The following CBR4 variants were observed in gnomAD, a reference collection of about 807,000 sequenced individuals.
CBR4 encodes 3-oxoacyl-[acyl-carrier-protein] reductase.
A neutral mutation model predicts 21.0 loss-of-function variants in CBR4; 22 were observed. The ratio of observed to expected loss-of-function variants is 1.05; its 90% CI spans 0.75 to 1.50. The LOEUF (loss-of-function observed/expected upper bound fraction) is 1.50. CBR4 is among the 40% of genes most tolerant of loss of function. The pLI, the probability that CBR4 is intolerant of heterozygous loss-of-function variation, is 0.00. For synonymous variants in CBR4, 100 were observed against 104.4 expected (o/e 0.96, Z 0.26); for missense variants, 302 against 286.3 (o/e 1.05, Z -0.40).
intron 2 of CBR4, among the ~76,000 whole-genome samples, chr4:168,972,764 CCTTT>C (rs985843157): frequency 1.3e-5 from 2 of 151,764 alleles, no homozygotes; most frequent in Non-Finnish European, 1.5e-5. Context: ...ATGTGGATGC[CCTTT>C]CTTTCTCTTG....
chr4:168,902,095 T>C (rs898771495), intron 2 of CBR4, among the ~76,000 whole-genome samples: 3 of 152,224 alleles, frequency 2.0e-5, no homozygotes, highest in African/African-American at 7.2e-5. Flanking sequence ...ATATTTCTGG[T>C]CTTTTCCTTT....
At chr4:168,913,701 C>A (rs1442987094) in intron 2 of CBR4, among the ~76,000 whole-genome samples, 1 of 151,406 alleles carries the variant, frequency 6.6e-6, no homozygotes, top group East Asian at 1.9e-4. Context: ...TTAAGAGTTC[C>A]AAAAAAAGAC....
intron 2 of CBR4, chr4:168,925,495 A>T (rs957986631): frequency 1.8e-6 from 1 of 550,370 alleles, no homozygotes. Flanking sequence ...AATGCACTCT[A>T]AACGTGTGTT....
chr4:168,979,070 G>A (rs1764460760), intron 2 of CBR4, among the ~76,000 whole-genome samples: 2 of 151,800 alleles, frequency 1.3e-5, no homozygotes, highest in South Asian at 4.2e-4. Flanking sequence ...ATGCCTTGCA[G>A]AAAAAGAGGC....
chr4:168,941,669 T>C (rs1409596258), intron 2 of CBR4, among the ~76,000 whole-genome samples: 2 of 152,194 alleles, frequency 1.3e-5, no homozygotes, highest in Non-Finnish European at 2.9e-5. Context: ...TTGAACTAAT[T>C]TACACTCCCA....
chr4:168,992,746 G>A (rs1401134910), intron 4 of CBR4, among the ~76,000 whole-genome samples: 5 of 151,914 alleles, frequency 3.3e-5, no homozygotes, highest in African/African-American at 9.7e-5. Context: ...ATATTTTTCT[G>A]CTCTTTCCAA....
intron 2 of CBR4, among the ~76,000 whole-genome samples, chr4:168,910,893 G>A (rs1382711148): frequency 3.3e-5 from 5 of 152,110 alleles, no homozygotes; most frequent in Non-Finnish European, 7.4e-5. Flanking sequence ...AAGGAGGTAA[G>A]CATATACCTC....
chr4:168,913,244 C>T (rs948567612), intron 2 of CBR4, among the ~76,000 whole-genome samples: 3 of 150,660 alleles, frequency 2.0e-5, no homozygotes, highest in African/African-American at 7.3e-5. Flanking sequence ...TCAATAGATT[C>T]TTCTGCCTCA....
intron 2 of CBR4, chr4:168,898,346 TA>T (rs767999301): frequency 1.5e-6 from 1 of 680,708 alleles, no homozygotes; most frequent in Non-Finnish European, 2.7e-6. Flanking sequence ...TTTTGTTTCA[TA>T]TGCAATTGAA....
intron 2 of CBR4, among the ~76,000 whole-genome samples, chr4:168,972,205 G>C (rs558625423): frequency 6.6e-6 from 1 of 152,122 alleles, no homozygotes; most frequent in Admixed American, 6.6e-5. Context: ...GTTTGAAGTC[G>C]GGTAATGTGA....
At chr4:168,972,946 T>C (rs1334418124) in intron 2 of CBR4, among the ~76,000 whole-genome samples, 1 of 152,238 alleles carries the variant, frequency 6.6e-6, no homozygotes, top group East Asian at 1.9e-4. Context: ...TTAAGGTATG[T>C]TCCTTCTGTA....
Position 169,007,726 on chromosome 4 carries a change from G to A in CBR4, c.173C>T (p.Ala58Val), listed in dbSNP as rs370433029. 1.7e-5 allele frequency: 27 copies of A among 1,586,978 alleles called. No individual in the cohort carries two copies. In the East Asian group the frequency reaches 3.9e-4, roughly 23 times the overall value. The change falls in exon 2 of 5, where the codon GCT becomes GTT. Residue 58 changes from alanine to valine, a missense_variant. Physicochemically the swap from Ala to Val is moderately conservative, Grantham distance 64. Coordinates refer to ENST00000306193, the MANE Select transcript of CBR4 (RefSeq NM_032783.5). Reference protein sequence around the residue: ...GDHLAFSCDVAKEHDVQNTFE... With the variant: ...GDHLAFSCDVVKEHDVQNTFE... Reference sequence around the variant, plus strand: ...TGTATTTTGAACATCATGTTCTTTAGCAACATCACAGCTAAATGCCAAATG... The same window carrying A: ...TGTATTTTGAACATCATGTTCTTTAACAACATCACAGCTAAATGCCAAATG...
intron 2 of CBR4, chr4:168,926,775 G>A (rs1427974055): frequency 8.2e-6 from 2 of 244,054 alleles, no homozygotes; most frequent in African/African-American, 2.2e-5. Flanking sequence ...TGAGGGAGTT[G>A]TACCACAAAC....
intron 2 of CBR4, among the ~76,000 whole-genome samples, chr4:168,903,353 A>G (rs1756951754): frequency 6.6e-6 from 1 of 152,156 alleles, no homozygotes; most frequent in South Asian, 2.1e-4. Flanking sequence ...TTTTATAAAC[A>G]ATACATTTTA....
chr4:168,905,245 C>T lies in CBR4; in HGVS notation n.170-10480G>A, dbSNP rs550115769. ...GGCTCACTGCAAGCTCCGCCTCCTG[C>T]GTTCACACCATTCTCCTGCCTCAGC... is the stretch of plus-strand genomic sequence containing the variant. On this transcript the variant is annotated intron_variant and non_coding_transcript_variant, in intron 2 of 3. Transcript: ENST00000509108. 4.3e-5 allele frequency among the ~76,000 whole-genome samples: 6 copies of T among 140,464 alleles called. No individual in the cohort carries two copies. In the East Asian group the frequency reaches 7.2e-4, roughly 17 times the overall value. The allele number at this position is 140,464 out of a possible 152,430, so 92.1% of individuals were successfully genotyped here. A position where few individuals can be genotyped will look rare whatever the true frequency, so the allele number is the denominator to read the frequency against.
chr4:168,986,869 G>C (rs188249674), downstream of CBR4, among the ~76,000 whole-genome samples: 136 of 152,234 alleles, frequency 8.9e-4, no homozygotes, highest in Admixed American at 4.3e-3. Flanking sequence ...TGGAGCCCAG[G>C]AGTTGGAGAT....
intron 2 of CBR4, among the ~76,000 whole-genome samples, chr4:168,905,152 T>TTG (rs1757405647): frequency 7.5e-6 from 1 of 133,676 alleles, no homozygotes; most frequent in Non-Finnish European, 1.6e-5. Context: ...TTTTTTTTTT[T>TTG]TTTTTTTTTT....
chr4:168,945,940 G>C (rs1463013435), intron 2 of CBR4, among the ~76,000 whole-genome samples: 1 of 152,072 alleles, frequency 6.6e-6, no homozygotes, highest in African/African-American at 2.4e-5. Context: ...GCCAGAAATA[G>C]GAAAAAGTGA....
At chr4:168,974,963 G>T (rs1764324211) in intron 2 of CBR4, among the ~76,000 whole-genome samples, 1 of 152,064 alleles carries the variant, frequency 6.6e-6, no homozygotes, top group Non-Finnish European at 1.5e-5. Flanking sequence ...GATCTCCTGG[G>T]GATGCTATTA....
Sources: allele counts gnomAD v4.1 joint callset (sites outside exome capture counted in the v4.1 genomes callset), GRCh38; gene constraint gnomAD v4.1.1; transcripts MANE v1.5; gene names NCBI Gene and HGNC (gene_info 2026-07-23, HGNC 2026-07-21).